Variants in KREMEN1 observed in about 807,000 individuals in gnomAD.
KREMEN1 encodes the protein kringle containing transmembrane protein 1.
A neutral mutation model predicts 46.5 loss-of-function variants in KREMEN1; 30 were observed. That is an observed-to-expected ratio of 0.65 (90% CI 0.48 to 0.88). The LOEUF is 0.88. KREMEN1 is among the 40% of genes least tolerant of loss of function. The pLI is 0.00. For missense variants in KREMEN1, 533 were observed against 596.9 expected (o/e 0.89, Z 1.11); for synonymous variants, 214 against 230.6 (o/e 0.93, Z 0.65).
chr22:29,159,394 G>C (rs1281985454), intron 9 of KREMEN1, among the ~76,000 whole-genome samples: 6 of 151,784 alleles, frequency 4.0e-5, no homozygotes, highest in Non-Finnish European at 7.4e-5. Flanking sequence ...GTTGAGGCGG[G>C]TGGATCTTGA....
chr22:29,165,941 C>G (rs949078434), intron 9 of KREMEN1, among the ~76,000 whole-genome samples: 1 of 152,220 alleles, frequency 6.6e-6, no homozygotes, highest in African/African-American at 2.4e-5. Context: ...TCCTGTCACT[C>G]CCCATTTTGC....
intron 9 of KREMEN1, among the ~76,000 whole-genome samples, chr22:29,152,456 C>A (rs1468541942): frequency 6.6e-6 from 1 of 152,250 alleles, no homozygotes; most frequent in Non-Finnish European, 1.5e-5. Flanking sequence ...AGGCTAAAAT[C>A]ACTTCCCTTT....
intron 3 of KREMEN1, among the ~76,000 whole-genome samples, chr22:29,105,095 A>G (rs1179256426): frequency 2.0e-5 from 3 of 152,106 alleles, no homozygotes; most frequent in Non-Finnish European, 4.4e-5. Context: ...CATATGCGAG[A>G]TACTCTATAA....
chr22:29,142,402 C>G lies in KREMEN1; in HGVS notation c.*290C>G, dbSNP rs2145854484. ...CTAGCTAGCAGTGGGGGTGTCAGGA[C>G]AGTGAGGCTGAGATGACAGAGGTGG... On this transcript the variant is annotated 3_prime_UTR_variant, in exon 9 of 9. Transcript: ENST00000400335. The G allele has an allele frequency of 9.1e-7, 1 of 1,104,372 alleles. No homozygotes were observed. The highest frequency in any genetic ancestry group is 1.1e-6 in the Non-Finnish European group (1 of 907,066). 68.4% of individuals were successfully genotyped at this position (1,104,372 alleles called of 1,614,324 possible).
intron 3 of KREMEN1, among the ~76,000 whole-genome samples, chr22:29,102,864 C>G (rs2037997830): frequency 6.6e-6 from 1 of 152,030 alleles, no homozygotes; most frequent in Non-Finnish European, 1.5e-5. Context: ...CTCTATAGTA[C>G]CTGGTTTCTG....
chr22:29,144,714 C>T lies in KREMEN1; in HGVS notation c.*2602C>T. The T allele has an allele frequency of 2.0e-6, 2 of 985,540 alleles. No homozygotes were observed. The highest frequency in any genetic ancestry group is 5.2e-4 in the Middle Eastern group (1 of 1,914). 61.0% of individuals were successfully genotyped at this position (985,540 alleles called of 1,614,324 possible). ...GCACGTGGCCCCAGGAAGAGTTCAC[C>T]CGGCCAGGGGGCAGTTGTTCAGTTG... On this transcript the variant is annotated 3_prime_UTR_variant, in exon 9 of 9. Transcript: ENST00000400335.
intron 3 of KREMEN1, among the ~76,000 whole-genome samples, chr22:29,114,570 T>G (rs2145798698): frequency 6.6e-6 from 1 of 151,942 alleles, no homozygotes; most frequent in Admixed American, 6.5e-5. Context: ...AAGAAGGTTT[T>G]GGTCTGAAAG....
Position 29,143,812 on chromosome 22 carries a change from G to A in KREMEN1, c.*1700G>A. The A allele has an allele frequency of 1.0e-6, 1 of 985,386 alleles. No individual in the cohort carries two copies. The highest frequency in any genetic ancestry group is 1.2e-6 in the Non-Finnish European group (1 of 830,058). The allele number at this position is 985,386 out of a possible 1,614,324, so 61.0% of individuals were successfully genotyped here. A position where few individuals can be genotyped will look rare whatever the true frequency, so the allele number is the denominator to read the frequency against. On this transcript the variant is annotated 3_prime_UTR_variant, in exon 9 of 9. Transcript: ENST00000400335. ...TCCTGTGGGGACCAAGTGGGGTTAG[G>A]AATGGCTCAGTGGGGAAGGAGAGCA...
intron 3 of KREMEN1, among the ~76,000 whole-genome samples, chr22:29,101,820 G>C (rs921875723): frequency 1.3e-5 from 2 of 152,172 alleles, no homozygotes; most frequent in African/African-American, 2.4e-5. Context: ...TGCACTCTAT[G>C]ATGGTCACAC....
chr22:29,132,740 T>G (rs796125067), intron 5 of KREMEN1, among the ~76,000 whole-genome samples: 4 of 152,362 alleles, frequency 2.6e-5, no homozygotes, highest in African/African-American at 9.6e-5. Context: ...AATAGCTTCT[T>G]TCAGCTATTG....
rs765360023 is a variant in KREMEN1, at chr22:29,125,323, T to C, written c.538T>C (p.Tyr180His). Residue 180 changes from tyrosine (Y) to histidine (H), a missense_variant, in exon 5 of 9, where the codon TAC becomes CAC. Transcript: ENST00000400335. Reference sequence around the variant, plus strand: ...TGGAAACAATCCTGATTACTGGAAGTACGGGGAGGCAGCCAGTACCGAATG... The same window carrying C: ...TGGAAACAATCCTGATTACTGGAAGCACGGGGAGGCAGCCAGTACCGAATG... ...FCGNNPDYWK[Y>H]GEAASTECNS... 1.4e-5 allele frequency: 23 copies of C among 1,614,060 alleles called. No homozygotes were observed. The highest frequency in any genetic ancestry group is 3.3e-5 in the Admixed American group (2 of 60,002).
chr22:29,159,272 G>A (rs2038989997), intron 9 of KREMEN1, among the ~76,000 whole-genome samples: 2 of 151,904 alleles, frequency 1.3e-5, no homozygotes, highest in African/African-American at 4.8e-5. Context: ...AGCCAGCCCA[G>A]GAGTGTTTTG....
Position 29,143,962 on chromosome 22 carries a change from G to A in KREMEN1, c.*1850G>A. 1 of 985,456 alleles carries A rather than the reference G, an allele frequency of 1.0e-6. No individual in the cohort carries two copies. Among genetic ancestry groups the A allele is most frequent in the Non-Finnish European group, 1.2e-6 (1 of 829,928 alleles). The allele number at this position is 985,456 out of a possible 1,614,324, so 61.0% of individuals were successfully genotyped here. A position where few individuals can be genotyped will look rare whatever the true frequency, so the allele number is the denominator to read the frequency against. ...CAAGGAGCTCCTCCTAAGATTGAGT[G>A]CTGCAGCTGTAGTGGCTGCTGGTTG... On this transcript the variant is annotated 3_prime_UTR_variant, in exon 9 of 9. Transcript: ENST00000400335.
intron 9 of KREMEN1, among the ~76,000 whole-genome samples, chr22:29,152,009 T>TA (rs132285): frequency 0.65 from 86,584 of 132,478 alleles, 30,975 homozygotes; most frequent in East Asian, 0.8. Context: ...GACTCTGTCT[T>TA]AAAAAAAAAA....
intron 9 of KREMEN1, among the ~76,000 whole-genome samples, chr22:29,165,891 G>A (rs1444511983): frequency 6.6e-6 from 1 of 152,186 alleles, no homozygotes; most frequent in East Asian, 1.9e-4. Context: ...GCCCTGGGAG[G>A]GCGCCCGTTA....
intron 9 of KREMEN1, among the ~76,000 whole-genome samples, chr22:29,158,253 G>A (rs1351558825): frequency 6.6e-6 from 1 of 152,206 alleles, no homozygotes; most frequent in African/African-American, 2.4e-5. Flanking sequence ...AGCCATGGCA[G>A]TAGAGGGACA....
chr22:29,128,706 CA>C (rs1184918743), intron 5 of KREMEN1, among the ~76,000 whole-genome samples: 1 of 152,202 alleles, frequency 6.6e-6, no homozygotes, highest in African/African-American at 2.4e-5. Flanking sequence ...GACTTGATGC[CA>C]AGTGCTTTTG....
chr22:29,085,294 A>G (rs1415809545), intron 1 of KREMEN1, among the ~76,000 whole-genome samples: 1 of 152,212 alleles, frequency 6.6e-6, no homozygotes, highest in Admixed American at 6.5e-5. Flanking sequence ...GACTCCCACA[A>G]TTATTAACCA....
intron 9 of KREMEN1, among the ~76,000 whole-genome samples, chr22:29,163,132 T>A (rs1462544507): frequency 6.6e-6 from 1 of 151,986 alleles, no homozygotes; most frequent in African/African-American, 2.4e-5. Context: ...ACCGGGGCAA[T>A]TCCCCACCGC....
Sources: allele counts gnomAD v4.1 joint callset (sites outside exome capture counted in the v4.1 genomes callset), GRCh38; gene constraint gnomAD v4.1.1; transcripts MANE v1.5; gene names NCBI Gene and HGNC (gene_info 2026-07-23, HGNC 2026-07-21).